KCNJ3: variants seen among roughly 807,000 people sequenced by gnomAD.
KCNJ3 encodes the protein G protein-activated inward rectifier potassium channel 1.
In KCNJ3, 4 loss-of-function variants were observed where a neutral mutation model predicts 39.2. That is an observed-to-expected ratio of 0.10 (90% CI 0.05 to 0.23). KCNJ3 has a LOEUF of 0.23. KCNJ3 is among the 10% of genes least tolerant of loss of function. The pLI is 1.00. For synonymous variants in KCNJ3, 230 were observed against 237.4 expected (o/e 0.97, Z 0.29); for missense variants, 276 against 634.9 (o/e 0.43, Z 6.08).
At chr2:154,824,567 G>C (rs1687237911) in intron 2 of KCNJ3, among the ~76,000 whole-genome samples, 1 of 151,966 alleles carries the variant, frequency 6.6e-6, no homozygotes, top group Non-Finnish European at 1.5e-5. Context: ...GATTTATTGA[G>C]GTTCTACCAC....
chr2:154,712,063 G>GA (rs1685109786), intron 2 of KCNJ3, among the ~76,000 whole-genome samples: 1 of 152,062 alleles, frequency 6.6e-6, no homozygotes, highest in African/African-American at 2.4e-5. Flanking sequence ...AGACAAATAA[G>GA]AAAAACATTA....
chr2:154,790,609 G>T (rs1291351370), intron 2 of KCNJ3, among the ~76,000 whole-genome samples: 1 of 151,954 alleles, frequency 6.6e-6, no homozygotes, highest in Non-Finnish European at 1.5e-5. Flanking sequence ...GAAGGTTATC[G>T]CCCCCACAAA....
intron 2 of KCNJ3, among the ~76,000 whole-genome samples, chr2:154,842,359 A>G (rs1687590429): frequency 6.6e-6 from 1 of 152,148 alleles, no homozygotes. Flanking sequence ...TTTACTTCCA[A>G]TTATGTGGTC....
At chr2:154,822,637 C>A (rs1159142107) in intron 2 of KCNJ3, among the ~76,000 whole-genome samples, 3 of 152,022 alleles carry the variant, frequency 2.0e-5, no homozygotes, top group Non-Finnish European at 4.4e-5. Flanking sequence ...GTAAACATAC[C>A]TATTTGATTA....
intron 2 of KCNJ3, among the ~76,000 whole-genome samples, chr2:154,836,081 G>A (rs1041458776): frequency 3.3e-5 from 5 of 151,944 alleles, no homozygotes; most frequent in Non-Finnish European, 5.9e-5. Flanking sequence ...GTGGTGGCAT[G>A]CGCCTGTAGT....
Position 154,856,116 on chromosome 2 carries a change from T to C in KCNJ3, c.*803T>C, listed in dbSNP as rs1226107073. The stretch of plus-strand genomic sequence containing the variant: ...TCAGTATAGCATTGAACATTTCTTA[T>C]GATTTTTAAAAGTTGCTAGTACTGG... On this transcript the variant is annotated 3_prime_UTR_variant, in exon 3 of 3. Transcript: ENST00000295101. 6.6e-6 allele frequency: 1 copy of C among 152,582 alleles called. No homozygotes were observed. The highest frequency in any genetic ancestry group is 1.5e-5 in the Non-Finnish European group (1 of 68,002). The allele number at this position is 152,582 out of a possible 1,614,324, so 9.5% of individuals were successfully genotyped here.
chr2:154,701,039 T>C (rs1206970599), intron 1 of KCNJ3, among the ~76,000 whole-genome samples: 1 of 152,154 alleles, frequency 6.6e-6, no homozygotes, highest in East Asian at 1.9e-4. Flanking sequence ...TAGTGTATTG[T>C]TATTGACCGC....
At chr2:154,714,139 G>A (rs142376802) in intron 2 of KCNJ3, among the ~76,000 whole-genome samples, 1 of 152,064 alleles carries the variant, frequency 6.6e-6, no homozygotes, top group African/African-American at 2.4e-5. Flanking sequence ...TGTTTCTTAT[G>A]CATTGCTTTC....
chr2:154,777,060 A>ACACT (rs1231757659), intron 2 of KCNJ3, among the ~76,000 whole-genome samples: 5 of 151,740 alleles, frequency 3.3e-5, no homozygotes, highest in Non-Finnish European at 7.4e-5. Flanking sequence ...ACACACACAC[A>ACACT]CTCATTAAAT....
At chr2:154,747,550 T>C (rs1026831014) in intron 2 of KCNJ3, among the ~76,000 whole-genome samples, 1 of 151,964 alleles carries the variant, frequency 6.6e-6, no homozygotes, top group African/African-American at 2.4e-5. Flanking sequence ...GGGTGGGGAA[T>C]AGCCTTAATG....
Position 154,699,667 on chromosome 2 carries a change from T to A in KCNJ3, c.702+190T>A. On this transcript the variant is annotated intron_variant, in intron 1 of 2. Transcript: ENST00000295101. This position sits in a 1 kb window ranked among gnomAD's most constrained non-coding sequence, Gnocchi z 6.4. ...GTTGACAGTTCTGTTCCTTTTCCAC[T>A]CACTCTCGTGCTCTTGTTTATATTC... is the stretch of plus-strand genomic sequence containing the variant. The A allele has an allele frequency of 3.0e-6, 1 of 328,172 alleles. No individual in the cohort carries two copies. The highest frequency in any genetic ancestry group is 4.4e-6 in the Non-Finnish European group (1 of 229,080). 20.3% of individuals were successfully genotyped at this position (328,172 alleles called of 1,614,324 possible).
intron 2 of KCNJ3, among the ~76,000 whole-genome samples, chr2:154,724,731 G>A (rs1333065194): frequency 6.6e-6 from 1 of 151,554 alleles, no homozygotes; most frequent in Non-Finnish European, 1.5e-5. Context: ...TTAACTGTCT[G>A]AGAGAATAAA....
chr2:154,793,421 A>G (rs1686670693), intron 2 of KCNJ3, among the ~76,000 whole-genome samples: 1 of 152,030 alleles, frequency 6.6e-6, no homozygotes, highest in Non-Finnish European at 1.5e-5. Context: ...GCAGGCCTAT[A>G]TACAAACAGA....
chr2:154,729,749 TA>T (rs1246017249), intron 2 of KCNJ3, among the ~76,000 whole-genome samples: 1 of 152,162 alleles, frequency 6.6e-6, no homozygotes, highest in Non-Finnish European at 1.5e-5. Context: ...AATCAATTTT[TA>T]AAAACAGAGT....
chr2:154,813,983 T>C (rs1687042309), intron 2 of KCNJ3, among the ~76,000 whole-genome samples: 1 of 152,216 alleles, frequency 6.6e-6, no homozygotes, highest in African/African-American at 2.4e-5. Flanking sequence ...TGTATATTCA[T>C]CAACCAGTTG....
chr2:154,759,050 G>A (rs1217532296), intron 2 of KCNJ3, among the ~76,000 whole-genome samples: 2 of 152,130 alleles, frequency 1.3e-5, no homozygotes, highest in Non-Finnish European at 2.9e-5. Context: ...AATGGTTGGT[G>A]GAAATTCTCT....
rs371790937 is a variant in KCNJ3 at position 154,753,224 on chromosome 2, T to C, written c.919+43405T>C. Among the ~76,000 whole-genome samples the C allele has an allele frequency of 2.6e-5, 4 of 152,256 alleles. No homozygotes were observed. The South Asian group carries it at 6.2e-4, about 24-fold the overall frequency. On this transcript the variant is annotated intron_variant, in intron 2 of 2. Transcript: ENST00000295101. ...GGCCAGTGATATGACACTCCCCTGT[T>C]ACTTTCAATACAGGTTAGACCAATT...
chr2:154,705,275 G>A lies in KCNJ3; in HGVS notation c.703-4328G>A, dbSNP rs185634981. On this transcript the variant is annotated intron_variant, in intron 1 of 2. Coordinates refer to ENST00000295101, the MANE Select transcript of KCNJ3 (RefSeq NM_002239.4). The stretch of plus-strand genomic sequence containing the variant: ...CACTTGGCCATATATCCACGAGAAG[G>A]AGGGGGGCCAAATGTGGATCCGCTT... Among the ~76,000 whole-genome samples, 49 of 152,290 alleles carry A rather than the reference G, an allele frequency of 3.2e-4. 1 individual carries two copies. Among genetic ancestry groups the A allele is most frequent in the South Asian group, 1.2e-3 (6 of 4,814 alleles).
At chr2:154,707,622 G>A (rs1162136347) in intron 1 of KCNJ3, among the ~76,000 whole-genome samples, 2 of 151,996 alleles carry the variant, frequency 1.3e-5, no homozygotes, top group Admixed American at 1.3e-4. Context: ...CTTCTTTGGG[G>A]AAAATTATTT....
Sources: allele counts gnomAD v4.1 joint callset (sites outside exome capture counted in the v4.1 genomes callset), GRCh38; gene constraint gnomAD v4.1.1; non-coding constraint Gnocchi (gnomAD v3.1); transcripts MANE v1.5; gene names NCBI Gene and HGNC (gene_info 2026-07-23, HGNC 2026-07-21).